IL1RAPL1: variants seen among roughly 807,000 people sequenced by gnomAD.
The protein encoded by IL1RAPL1 is interleukin-1 receptor accessory protein-like 1.
A neutral mutation model predicts 48.4 loss-of-function variants in IL1RAPL1; 3 were observed. The ratio of observed to expected loss-of-function variants is 0.06; its 90% CI spans 0.03 to 0.16. The LOEUF is 0.16. Among genes scored for constraint, IL1RAPL1 ranks in the 10% least tolerant of loss-of-function variants. The pLI is 1.00. For missense variants in IL1RAPL1, 349 were observed against 530.6 expected (o/e 0.66, Z 3.36); for synonymous variants, 185 against 187.7 (o/e 0.99, Z 0.12).
intron 2 of IL1RAPL1, among the ~76,000 whole-genome samples, chrX:28,912,901 G>A (rs1402633062): frequency 9.0e-6 from 1 of 111,353 alleles, no homozygotes; most frequent in Non-Finnish European, 1.9e-5. Flanking sequence ...TGGTTGTTTT[G>A]TCATCCAGAG....
At chrX:29,441,603 T>A (rs573242689) in intron 5 of IL1RAPL1, among the ~76,000 whole-genome samples, 1 of 111,687 alleles carries the variant, frequency 9.0e-6, no homozygotes, top group Middle Eastern at 4.6e-3. Context: ...ACTGCACACT[T>A]CTTTTCCTGT....
intron 6 of IL1RAPL1, among the ~76,000 whole-genome samples, chrX:29,817,992 T>C (rs1212687954): frequency 6.3e-5 from 7 of 111,827 alleles, no homozygotes; most frequent in Non-Finnish European, 1.3e-4. Context: ...TATTACGCTT[T>C]ATAGGTCAAA....
chrX:28,756,578 C>T (rs780069266), intron 1 of IL1RAPL1, among the ~76,000 whole-genome samples: 4 of 112,040 alleles, frequency 3.6e-5, no homozygotes. Context: ...TCCAAATGTC[C>T]CAACCTCTAC....
rs1335319451 is a variant in IL1RAPL1, at chrX:29,263,290, T to C, written c.83-19648T>C. Among the ~76,000 whole-genome samples, 5 of 112,285 alleles carry C rather than the reference T, an allele frequency of 4.5e-5. No homozygotes were observed. In the Admixed American group the frequency reaches 4.7e-4, roughly 11 times the overall value. Reference sequence around the variant, plus strand: ...ATTATTGGACATTTGTTATTAATGATCTTAGCTTATTATTTTCCTCCAAAT... The same window carrying C: ...ATTATTGGACATTTGTTATTAATGACCTTAGCTTATTATTTTCCTCCAAAT... On this transcript the variant is annotated intron_variant, in intron 2 of 10. Transcript: ENST00000378993.
intron 5 of IL1RAPL1, among the ~76,000 whole-genome samples, chrX:29,399,693 C>T (rs1354698651): frequency 1.8e-5 from 2 of 110,429 alleles, no homozygotes; most frequent in Non-Finnish European, 3.8e-5. Flanking sequence ...GTGGTGGGCG[C>T]CTGTAATCCC....
intron 6 of IL1RAPL1, among the ~76,000 whole-genome samples, chrX:29,890,783 C>T (rs1366651173): frequency 8.9e-6 from 1 of 111,925 alleles, no homozygotes; most frequent in Non-Finnish European, 1.9e-5. Flanking sequence ...CACACTCTCA[C>T]GGCATCTGGG....
intron 2 of IL1RAPL1, among the ~76,000 whole-genome samples, chrX:29,155,981 ATTAT>A (rs891539966): frequency 1.6e-3 from 180 of 111,063 alleles, no homozygotes; most frequent in Non-Finnish European, 2.7e-3. Flanking sequence ...TTTAGAATTC[ATTAT>A]TTATATTATA....
At chrX:29,352,085 CAT>C (rs971087309) in intron 3 of IL1RAPL1, among the ~76,000 whole-genome samples, 2 of 112,024 alleles carry the variant, frequency 1.8e-5, no homozygotes, top group African/African-American at 6.5e-5. Context: ...TGTAGACAGA[CAT>C]AGAAATATCT....
chrX:28,663,068 C>T lies in IL1RAPL1; in HGVS notation c.-25+75021C>T, dbSNP rs189213866. On this transcript the variant is annotated intron_variant, in intron 1 of 10. Coordinates refer to ENST00000378993, the MANE Select transcript of IL1RAPL1 (RefSeq NM_014271.4). ...AGAAAAGAAAAGAAAAGGGAAAGAA[C>T]GAAGAAAAAAGTATTTAGAGTGACC... is the stretch of plus-strand genomic sequence containing the variant. Among the ~76,000 whole-genome samples the T allele has an allele frequency of 6.3e-5, 7 of 111,415 alleles. No individual in the cohort carries two copies. The East Asian group carries it at 1.4e-3, about 23-fold the overall frequency.
intron 5 of IL1RAPL1, among the ~76,000 whole-genome samples, chrX:29,480,130 G>A (rs1935023755): frequency 1.9e-5 from 2 of 107,863 alleles, no homozygotes; most frequent in Non-Finnish European, 1.9e-5. Flanking sequence ...ACAAATGTTC[G>A]ATGACCACTT....
chrX:29,197,336 G>A (rs1217275762), intron 2 of IL1RAPL1, among the ~76,000 whole-genome samples: 1 of 111,459 alleles, frequency 9.0e-6, no homozygotes, highest in African/African-American at 3.3e-5. Flanking sequence ...TCTGATGTCT[G>A]TTTGGAGAAT....
At chrX:29,015,908 C>T (rs1163869629) in intron 2 of IL1RAPL1, among the ~76,000 whole-genome samples, 1 of 110,598 alleles carries the variant, frequency 9.0e-6, no homozygotes, top group Non-Finnish European at 1.9e-5. Flanking sequence ...ATTTACCAAA[C>T]ACCTTGTTTG....
intron 2 of IL1RAPL1, among the ~76,000 whole-genome samples, chrX:29,186,977 G>C (rs755245921): frequency 2.7e-5 from 3 of 110,636 alleles, no homozygotes; most frequent in South Asian, 3.9e-4. Context: ...GTTGGAGTTG[G>C]GGGGGAGGGA....
chrX:28,851,499 T>C (rs956379960), intron 2 of IL1RAPL1, among the ~76,000 whole-genome samples: 11 of 111,077 alleles, frequency 9.9e-5, no homozygotes, highest in Admixed American at 6.7e-4. Flanking sequence ...AACAGCTTGC[T>C]CCATACATCC....
intron 2 of IL1RAPL1, among the ~76,000 whole-genome samples, chrX:28,993,677 C>G (rs181991795): frequency 1.8e-5 from 2 of 111,947 alleles, no homozygotes; most frequent in East Asian, 5.6e-4. Flanking sequence ...GAAATCTAAA[C>G]GGACAATTTG....
At chrX:28,622,509 C>G (rs1934295336) in intron 1 of IL1RAPL1, among the ~76,000 whole-genome samples, 2 of 111,731 alleles carry the variant, frequency 1.8e-5, no homozygotes, top group South Asian at 7.4e-4. Flanking sequence ...AAAATTTTAT[C>G]TATGTGATCA....
At chrX:29,483,229 T>G (rs1294459128) in intron 5 of IL1RAPL1, among the ~76,000 whole-genome samples, 1 of 112,191 alleles carries the variant, frequency 8.9e-6, no homozygotes, top group Non-Finnish European at 1.9e-5. Context: ...GTTTAGAGTC[T>G]GAAATTTCAT....
chrX:28,875,443 T>C (rs1922343845), intron 2 of IL1RAPL1, among the ~76,000 whole-genome samples: 1 of 112,463 alleles, frequency 8.9e-6, no homozygotes, highest in African/African-American at 3.2e-5. Context: ...GCCCCGAATA[T>C]GAATGGGCTA....
At chrX:29,607,630 T>C (rs1384829802) in intron 5 of IL1RAPL1, among the ~76,000 whole-genome samples, 2 of 111,899 alleles carry the variant, frequency 1.8e-5, no homozygotes, top group Non-Finnish European at 3.8e-5. Context: ...TTCTCTTTCA[T>C]GGGACACTTC....
Sources: gnomAD v4.1 joint callset for allele counts (sites outside exome capture counted in the v4.1 genomes callset) on GRCh38, gnomAD v4.1.1 for gene constraint, MANE v1.5 for transcripts, NCBI Gene and HGNC (gene_info 2026-07-23, HGNC 2026-07-21) for gene names.